DLGAP2: variants seen among roughly 807,000 people sequenced by gnomAD.
DLGAP2 encodes disks large-associated protein 2.
Under a neutral mutation model 100.3 loss-of-function variants are expected in DLGAP2, and 26 were observed. That is an observed-to-expected ratio of 0.26 (90% CI 0.19 to 0.36). The LOEUF is 0.36. DLGAP2 is among the 10% of genes least tolerant of loss of function. The probability of loss-of-function intolerance (pLI) is 1.00; values close to 1 mark genes in which losing one functional copy is unlikely to be tolerated. For synonymous variants in DLGAP2, 886 were observed against 630.1 expected (o/e 1.41, Z -6.08); for missense variants, 1,858 against 1,453.2 (o/e 1.28, Z -4.53).
intron 2 of DLGAP2, among the ~76,000 whole-genome samples, chr8:1,100,132 G>A (rs1804527713): frequency 6.7e-6 from 1 of 149,154 alleles, no homozygotes. Context: ...TGTGTGTAGG[G>A]AAAAGCTTTG....
intron 2 of DLGAP2, among the ~76,000 whole-genome samples, chr8:1,156,474 C>T (rs1796789285): frequency 6.6e-6 from 1 of 152,208 alleles, no homozygotes; most frequent in Admixed American, 6.5e-5. Context: ...GTCTCCATCT[C>T]ACCTGCCTGG....
chr8:1,282,379 C>T (rs1196375665), intron 3 of DLGAP2, among the ~76,000 whole-genome samples: 4 of 144,906 alleles, frequency 2.8e-5, no homozygotes, highest in Admixed American at 2.1e-4. Flanking sequence ...GAACCCAGCA[C>T]CTGAAGCATC....
intron 3 of DLGAP2, among the ~76,000 whole-genome samples, chr8:1,310,583 A>C (rs1421859825): frequency 6.6e-6 from 1 of 152,240 alleles, no homozygotes; most frequent in African/African-American, 2.4e-5. Context: ...ACAGTAGGCC[A>C]CATGTTAGGC....
At position 1,594,965 on chromosome 8, in the gene DLGAP2, A is replaced by T. The variant is rs1032581503; in HGVS notation, c.1442+29071A>T. ...AGCAGGACCATCGTGGGGTCACTCC[A>T]CTAACTGGCCTCCCGCTTCCCATCT... On this transcript the variant is annotated intron_variant, in intron 6 of 14. Coordinates refer to ENST00000637795, the MANE Select transcript of DLGAP2 (RefSeq NM_001346810.2). Among the ~76,000 whole-genome samples, 14 of 151,988 alleles carry T rather than the reference A, an allele frequency of 9.2e-5. No individual in the cohort carries two copies. In the East Asian group the frequency reaches 2.7e-3, roughly 29 times the overall value.
intron 3 of DLGAP2, among the ~76,000 whole-genome samples, chr8:1,418,201 A>ATT (rs1796985978): frequency 6.6e-6 from 1 of 152,240 alleles, no homozygotes; most frequent in African/African-American, 2.4e-5. Flanking sequence ...TGGCCCAAAG[A>ATT]ATGATGATGT....
intron 1 of DLGAP2, among the ~76,000 whole-genome samples, chr8:818,149 G>C (rs921688816): frequency 6.6e-6 from 1 of 152,186 alleles, no homozygotes; most frequent in Non-Finnish European, 1.5e-5. Flanking sequence ...TCTGAGCTCA[G>C]ACTCTCCTTG....
chr8:1,506,243 A>C (rs954394357), intron 4 of DLGAP2, among the ~76,000 whole-genome samples: 1 of 152,210 alleles, frequency 6.6e-6, no homozygotes, highest in African/African-American at 2.4e-5. Context: ...CTTTCAAAAA[A>C]CAAAAACCCA....
intron 5 of DLGAP2, among the ~76,000 whole-genome samples, chr8:1,556,032 G>A (rs1053512349): frequency 1.3e-5 from 2 of 152,220 alleles, no homozygotes; most frequent in African/African-American, 4.8e-5. Context: ...GAATGACATG[G>A]CCTACATGTA....
chr8:1,364,267 G>GC (rs1227140675), intron 3 of DLGAP2, among the ~76,000 whole-genome samples: 7 of 152,322 alleles, frequency 4.6e-5, no homozygotes, highest in African/African-American at 1.7e-4. Context: ...GAAGCCAGCT[G>GC]CCCCCAGAGG....
At chr8:1,203,817 G>C (rs1797933911) in intron 2 of DLGAP2, among the ~76,000 whole-genome samples, 1 of 152,172 alleles carries the variant, frequency 6.6e-6, no homozygotes, top group African/African-American at 2.4e-5. Context: ...GTGTTCTGGT[G>C]AGTGGATGGT....
At chr8:1,476,055 A>AG (rs1798921359) in intron 3 of DLGAP2, among the ~76,000 whole-genome samples, 1 of 152,210 alleles carries the variant, frequency 6.6e-6, no homozygotes, top group Admixed American at 6.5e-5. Context: ...CCTTCAAAAG[A>AG]GGGCATCACT....
rs34733332 is a variant in DLGAP2 at position 1,703,858 on chromosome 8, A to G, written c.*2452A>G. On this transcript the variant is annotated 3_prime_UTR_variant, in exon 15 of 15. Coordinates refer to ENST00000637795, the MANE Select transcript of DLGAP2 (RefSeq NM_001346810.2). ...GGGGAGCAGATTAACCTACCACTAC[A>G]TTGCACAGGGTTGGTGACTCGACGT... 2.0e-5 allele frequency: 3 copies of G among 152,552 alleles called. No homozygotes were observed. Among genetic ancestry groups the G allele is most frequent in the Non-Finnish European group, 2.9e-5 (2 of 68,032 alleles). 9.4% of individuals were successfully genotyped at this position (152,552 alleles called of 1,614,324 possible).
intron 2 of DLGAP2, among the ~76,000 whole-genome samples, chr8:1,181,007 A>C (rs1388681402): frequency 1.0e-3 from 27 of 26,250 alleles, no homozygotes; most frequent in African/African-American, 4.2e-3. Context: ...GTGCAAGGGC[A>C]GTACACTTAC....
intron 3 of DLGAP2, among the ~76,000 whole-genome samples, chr8:1,325,494 G>T (rs557375251): frequency 6.6e-6 from 1 of 152,206 alleles, no homozygotes; most frequent in Non-Finnish European, 1.5e-5. Flanking sequence ...TGGGGTGCTC[G>T]GCGGATTTAT....
chr8:1,092,510 G>A (rs1301117903), intron 2 of DLGAP2, among the ~76,000 whole-genome samples: 1 of 152,204 alleles, frequency 6.6e-6, no homozygotes, highest in African/African-American at 2.4e-5. Flanking sequence ...GAGCATGAGG[G>A]CCCTGGGTCT....
At chr8:949,409 G>GAGT (rs1244933442) in intron 2 of DLGAP2, among the ~76,000 whole-genome samples, 1 of 152,288 alleles carries the variant, frequency 6.6e-6, no homozygotes, top group Non-Finnish European at 1.5e-5. Flanking sequence ...GGCCGCCCAG[G>GAGT]AGTGAATGCG....
At chr8:1,259,401 T>C (rs1473771464) in intron 3 of DLGAP2, among the ~76,000 whole-genome samples, 1 of 152,240 alleles carries the variant, frequency 6.6e-6, no homozygotes, top group Non-Finnish European at 1.5e-5. Flanking sequence ...CCTGAGTCTG[T>C]CATTTGTTGA....
chr8:1,473,899 C>T (rs1202186331), intron 3 of DLGAP2, among the ~76,000 whole-genome samples: 1 of 152,174 alleles, frequency 6.6e-6, no homozygotes, highest in Non-Finnish European at 1.5e-5. Flanking sequence ...CCTCCCCAGC[C>T]ATGTGGAACT....
Position 1,578,856 on chromosome 8 carries a change from G to A in DLGAP2, c.1442+12962G>A, listed in dbSNP as rs534349068. 1.7e-4 allele frequency among the ~76,000 whole-genome samples: 26 copies of A among 152,224 alleles called. No homozygotes were observed. The Middle Eastern group carries it at 0.01, about 60-fold the overall frequency. On this transcript the variant is annotated intron_variant, in intron 6 of 14. Coordinates refer to ENST00000637795, the MANE Select transcript of DLGAP2 (RefSeq NM_001346810.2). ...GACCCTCGGCCTTGTGTCCCCGATC[G>A]GGAAGGTCAGATTCCCAGGGCTGAT...
Sources: allele counts gnomAD v4.1 joint callset (sites outside exome capture counted in the v4.1 genomes callset), GRCh38; gene constraint gnomAD v4.1.1; transcripts MANE v1.5; gene names NCBI Gene and HGNC (gene_info 2026-07-23, HGNC 2026-07-21).